MCCC1: variants seen among roughly 807,000 people sequenced by gnomAD.
The protein encoded by MCCC1 is methylcrotonyl-CoA carboxylase subunit 1, also known as methylcrotonoyl-CoA carboxylase subunit alpha, mitochondrial.
Under a neutral mutation model 83.8 loss-of-function variants are expected in MCCC1, and 64 were observed. That is an observed-to-expected ratio of 0.76 (90% CI 0.62 to 0.94). The LOEUF is 0.94. Ranked by LOEUF, MCCC1 falls within the 40% of genes least tolerant of loss-of-function variation. The probability of loss-of-function intolerance (pLI) is 0.00; values close to 1 mark genes in which losing one functional copy is unlikely to be tolerated. For synonymous variants in MCCC1, 322 were observed against 315.4 expected (o/e 1.02, Z -0.22); for missense variants, 807 against 904.7 (o/e 0.89, Z 1.39).
At chr3:183,055,119 G>A (rs1350104153) in intron 8 of MCCC1, among the ~76,000 whole-genome samples, 1 of 151,976 alleles carries the variant, frequency 6.6e-6, no homozygotes, top group African/African-American at 2.4e-5. Context: ...AGGATAAAAA[G>A]CTGGCCGGGT....
chr3:183,037,209 C>T lies in MCCC1; in HGVS notation c.1594+9G>A, dbSNP rs1713684029. On this transcript the variant is annotated intron_variant, in intron 13 of 18. Coordinates refer to ENST00000265594, the MANE Select transcript of MCCC1 (RefSeq NM_020166.5). The stretch of plus-strand genomic sequence containing the variant: ...TGACAAGCAGAGGAAAGAGAAAAGC[C>T]TTCCATACCATGTGCCTGAAGAGTG... 2 of 1,612,768 alleles carry T rather than the reference C, an allele frequency of 1.2e-6. No homozygotes were observed. The highest frequency in any genetic ancestry group is 1.7e-6 in the Non-Finnish European group (2 of 1,179,866).
upstream of MCCC1, chr3:183,099,530 T>C (rs1719008714): frequency 1.3e-6 from 2 of 1,494,124 alleles, no homozygotes; most frequent in Admixed American, 2.0e-5. Flanking sequence ...CGAAGCCTCG[T>C]GACCCCCGCC....
At chr3:183,099,024 G>A in intron 1 of MCCC1, 1 of 501,470 alleles carries the variant, frequency 2.0e-6, no homozygotes, top group Non-Finnish European at 3.6e-6. Flanking sequence ...AAGGGGTGCT[G>A]CGAAAGCCCG....
Position 183,025,773 on chromosome 3 carries a change from A to C in MCCC1, c.1713T>G (p.Asp571Glu), listed in dbSNP as rs1397012708. 4 of 1,614,052 alleles carry C rather than the reference A, an allele frequency of 2.5e-6. No homozygotes were observed. The highest frequency in any genetic ancestry group is 2.7e-5 in the African/African-American group (2 of 75,072). ...GGCTTACCTGCATGCTATAAGACCC[A>C]TCATGGTTATACGTTACAGCTATGG... is the stretch of plus-strand genomic sequence containing the variant. ...NVAIAVTYNH[D>E]GSYSMQIEDK... The change falls in exon 15 of 19, where the codon GAT (aspartate) becomes GAG (glutamate). Residue 571 changes from aspartate to glutamate, a missense_variant. Transcript: ENST00000265594.
intron 5 of MCCC1, among the ~76,000 whole-genome samples, chr3:183,071,591 A>G (rs1221784266): frequency 6.6e-6 from 1 of 152,224 alleles, no homozygotes; most frequent in African/African-American, 2.4e-5. Flanking sequence ...TATTGATTAG[A>G]AACATTAAGT....
chr3:183,049,578 A>C (rs1020506800), intron 9 of MCCC1, among the ~76,000 whole-genome samples: 1 of 151,826 alleles, frequency 6.6e-6, no homozygotes, highest in Non-Finnish European at 1.5e-5. Context: ...TTCAAAAAAA[A>C]AAAAAAGAAA....
chr3:183,045,329 C>T, intron 10 of MCCC1, 84 bp downstream of exon 10: 2 of 1,546,694 alleles, frequency 1.3e-6, no homozygotes, highest in Non-Finnish European at 1.8e-6. Context: ...ATCCACCTGC[C>T]TTGGCCTGCC....
At position 183,096,900 on chromosome 3, in the gene MCCC1, C is replaced by A. The variant is rs1718776473; in HGVS notation, c.90-2295G>T. Reference sequence around the variant, plus strand: ...GATAAGTTTCAAGGCCTATTCTGGGCAGATGTATCTATTAAATGGTTGCTT... The same window carrying A: ...GATAAGTTTCAAGGCCTATTCTGGGAAGATGTATCTATTAAATGGTTGCTT... On this transcript the variant is annotated intron_variant, in intron 1 of 18. Coordinates refer to ENST00000265594, the MANE Select transcript of MCCC1 (RefSeq NM_020166.5). Among the ~76,000 whole-genome samples the A allele has an allele frequency of 2.0e-5, 3 of 152,292 alleles. No homozygotes were observed. In the South Asian group the frequency reaches 6.2e-4, roughly 32 times the overall value.
rs951374070 is a variant in MCCC1 at position 183,099,100 on chromosome 3, G to T, written c.89+252C>A. 6.3e-5 allele frequency: 37 copies of T among 588,828 alleles called. 1 individual carries two copies. The highest frequency in any genetic ancestry group is 5.3e-4 in the Admixed American group (18 of 33,668). The allele number at this position is 588,828 out of a possible 1,614,324, so 36.5% of individuals were successfully genotyped here. A position where few individuals can be genotyped will look rare whatever the true frequency, so the allele number is the denominator to read the frequency against. Reference sequence around the variant, plus strand: ...TGGAGGATGGCGGGCCCAGTCCTCAGAAATGGAAAAACAGAAGCCAAAGGC... The same window carrying T: ...TGGAGGATGGCGGGCCCAGTCCTCATAAATGGAAAAACAGAAGCCAAAGGC... On this transcript the variant is annotated intron_variant, in intron 1 of 18. Coordinates refer to ENST00000265594, the MANE Select transcript of MCCC1 (RefSeq NM_020166.5).
At chr3:183,098,988 A>C in intron 1 of MCCC1, 30 of 375,300 alleles carry the variant, frequency 8.0e-5, no homozygotes, top group East Asian at 2.2e-4. Context: ...CTTCCCCGGA[A>C]CCGGATTATA....
At chr3:183,017,538 A>C in intron 17 of MCCC1, 1 of 581,130 alleles carries the variant, frequency 1.7e-6, no homozygotes, top group Non-Finnish European at 3.0e-6. Context: ...TTGGTATATA[A>C]ACTTACAGAG....
At chr3:183,080,750 AAAAG>A (rs1358911187) in intron 4 of MCCC1, among the ~76,000 whole-genome samples, 3 of 152,226 alleles carry the variant, frequency 2.0e-5, no homozygotes, top group African/African-American at 7.2e-5. Context: ...GGCAATTTAC[AAAAG>A]AAAGAGGTTT....
At chr3:183,085,601 C>A (rs1444114875) in intron 4 of MCCC1, among the ~76,000 whole-genome samples, 5 of 145,726 alleles carry the variant, frequency 3.4e-5, no homozygotes, top group African/African-American at 1.3e-4. Flanking sequence ...TGCACTGCAG[C>A]CTGGGCAACA....
intron 13 of MCCC1, among the ~76,000 whole-genome samples, chr3:183,035,877 G>A (rs1713540372): frequency 6.6e-6 from 1 of 151,696 alleles, no homozygotes; most frequent in South Asian, 2.1e-4. Context: ...TGCACAAGGT[G>A]CAGGTTTGTT....
At chr3:183,048,761 T>C (rs1714740743) in intron 9 of MCCC1, among the ~76,000 whole-genome samples, 1 of 152,194 alleles carries the variant, frequency 6.6e-6, no homozygotes, top group African/African-American at 2.4e-5. Context: ...GATACAACTG[T>C]CATCTATAGA....
chr3:183,108,977 T>G (rs1039718387), intron 1 of MCCC1, among the ~76,000 whole-genome samples: 2 of 151,826 alleles, frequency 1.3e-5, no homozygotes, highest in African/African-American at 2.4e-5. Context: ...GTTTGTGGGG[T>G]TTTTTGTTTG....
intron 4 of MCCC1, among the ~76,000 whole-genome samples, chr3:183,083,244 G>C (rs2108547147): frequency 6.6e-6 from 1 of 152,238 alleles, no homozygotes; most frequent in South Asian, 2.1e-4. Flanking sequence ...ATTAAAGGAA[G>C]GTTTGCTCTC....
intron 4 of MCCC1, among the ~76,000 whole-genome samples, chr3:183,074,071 T>C (rs1258332909): frequency 6.6e-6 from 1 of 152,224 alleles, no homozygotes; most frequent in Non-Finnish European, 1.5e-5. Context: ...GCGTGCAATT[T>C]GAAACTTATC....
intron 1 of MCCC1, among the ~76,000 whole-genome samples, chr3:183,094,851 ACAGT>A: frequency 6.6e-6 from 1 of 152,306 alleles, no homozygotes; most frequent in Middle Eastern, 3.4e-3. Context: ...GCATAAGACC[ACAGT>A]CAGAGATGAT....
Sources: gnomAD v4.1 joint callset for allele counts (sites outside exome capture counted in the v4.1 genomes callset) on GRCh38, gnomAD v4.1.1 for gene constraint, MANE v1.5 for transcripts, NCBI Gene and HGNC (gene_info 2026-07-23, HGNC 2026-07-21) for gene names.